APOM: variants seen among roughly 807,000 people sequenced by gnomAD.
The protein encoded by APOM is NG20-like protein.
In APOM, 24 loss-of-function variants were observed where a neutral mutation model predicts 23.5. That is an observed-to-expected ratio of 1.02 (90% CI 0.74 to 1.44). APOM has a LOEUF of 1.44. Among genes scored for constraint, APOM ranks in the 40% most tolerant of loss-of-function variants. APOM has a pLI of 0.00. For missense variants in APOM, 200 were observed against 233.2 expected, an observed-to-expected ratio of 0.86 and a Z score of 0.93; for synonymous variants, 82 against 84.1, an observed-to-expected ratio of 0.97 and a Z score of 0.14.
chr6:31,653,250 G>A (rs1583515824), upstream of APOM, among the ~76,000 whole-genome samples: 1 of 152,220 alleles, frequency 6.6e-6, no homozygotes, highest in Non-Finnish European at 1.5e-5. Flanking sequence ...AGAAAGACAA[G>A]ACCCTGACCG....
At chr6:31,652,797 C>G (rs1798835304), upstream of APOM, 1 of 152,600 alleles carries the variant, frequency 6.6e-6, no homozygotes, top group African/African-American at 2.4e-5. Flanking sequence ...CAGTCACCAG[C>G]TGGGACTCTA....
intron 5 of APOM, 166 bp from the exon 6 acceptor site, chr6:31,657,898 C>T (rs1215794482): frequency 1.8e-5 from 17 of 956,552 alleles, no homozygotes; most frequent in Non-Finnish European, 2.6e-5. Flanking sequence ...TGAGTTTGCA[C>T]TGGATAAAGG....
upstream of APOM, among the ~76,000 whole-genome samples, chr6:31,654,245 CA>C (rs34260741): frequency 0.31 from 30,692 of 98,854 alleles, 3,295 homozygotes; most frequent in East Asian, 0.39. Context: ...ACTCCCATCT[CA>C]AAAAAAAAAA....
At position 31,656,567 on chromosome 6, in the gene APOM, C is replaced by G; in HGVS notation, c.210C>G (p.Val70=). 1 of 1,614,174 alleles carries G rather than the reference C, an allele frequency of 6.2e-7. No homozygotes were observed. Among genetic ancestry groups the G allele is most frequent in the Non-Finnish European group, 8.5e-7 (1 of 1,180,040 alleles). ...LATFDPVDNI[V]FNMAAGSAPM... ...CTTTTGACCCTGTGGACAACATTGT[C>G]TTCAATATGGCTGCTGGCTCTGCCC... The change falls in exon 2 of 6, where the codon GTC becomes GTG. Residue 70 remains valine, a synonymous_variant. Coordinates refer to ENST00000375916, the MANE Select transcript of APOM (RefSeq NM_019101.3).
upstream of APOM, chr6:31,655,857 G>GA: frequency 1.5e-6 from 1 of 689,298 alleles, no homozygotes; most frequent in Non-Finnish European, 2.5e-6. Context: ...ATTAGCAGGT[G>GA]AAAGGGTCAA....
intron 5 of APOM, 153 bp from the exon 6 acceptor site, chr6:31,657,911 G>A (rs1583545165): frequency 3.1e-6 from 3 of 969,102 alleles, no homozygotes; most frequent in South Asian, 1.4e-5. Flanking sequence ...GATAAAGGGG[G>A]CAGAGGGTCA....
At chr6:31,656,928 C>T (rs1444905281) in intron 2 of APOM, among the ~76,000 whole-genome samples, 1 of 152,058 alleles carries the variant, frequency 6.6e-6, no homozygotes, top group Non-Finnish European at 1.5e-5. Flanking sequence ...GGACAGATCA[C>T]GAGGTCAGGA....
chr6:31,653,270 T>TA (rs1214319699), upstream of APOM, among the ~76,000 whole-genome samples: 2 of 152,294 alleles, frequency 1.3e-5, no homozygotes, highest in African/African-American at 2.4e-5. Flanking sequence ...GTGGGGAATT[T>TA]AAAGGCCGGC....
chr6:31,654,829 C>A (rs805297), upstream of APOM, among the ~76,000 whole-genome samples: 36,579 of 152,132 alleles, frequency 0.24, 5,590 homozygotes, highest in Middle Eastern at 0.38. Context: ...ATACTTTGGA[C>A]TTACCATGTG....
chr6:31,654,714 C>T (rs1799849353), upstream of APOM, among the ~76,000 whole-genome samples: 1 of 152,132 alleles, frequency 6.6e-6, no homozygotes, highest in Non-Finnish European at 1.5e-5. Flanking sequence ...TTGGTGCTAT[C>T]CAAGGACAAC....
At position 31,656,524 on chromosome 6, in the gene APOM, C is replaced by T. The variant is rs1453981577; in HGVS notation, c.167C>T (p.Thr56Ile). The change falls in exon 2 of 6, where the codon ACC becomes ATC. Residue 56 changes from threonine to isoleucine, a missense_variant. Physicochemically the swap from Thr to Ile is moderately conservative, Grantham distance 89. Coordinates refer to ENST00000375916, the MANE Select transcript of APOM (RefSeq NM_019101.3). ...TACTTTATCGCAGGGGCAGCTCCCA[C>T]CAAGGAGGAGTTGGCAACTTTTGAC... The part of the protein sequence containing the change: ...QWYFIAGAAP[T>I]KEELATFDPV... 1 of 1,614,158 alleles carries T rather than the reference C, an allele frequency of 6.2e-7. No individual in the cohort carries two copies. The highest frequency in any genetic ancestry group is 1.7e-5 in the Admixed American group (1 of 60,012).
At chr6:31,654,290 A>T (rs1383764038), upstream of APOM, among the ~76,000 whole-genome samples, 1 of 151,972 alleles carries the variant, frequency 6.6e-6, no homozygotes, top group African/African-American at 2.4e-5. Context: ...AAAATAGAAC[A>T]GTATTAATAA....
Position 31,655,939 on chromosome 6 carries a change from C to T in APOM, c.-28C>T, listed in dbSNP as rs1458215819. The T allele has an allele frequency of 6.7e-7, 1 of 1,492,672 alleles. No homozygotes were observed. The highest frequency in any genetic ancestry group is 9.2e-7 in the Non-Finnish European group (1 of 1,087,084). The allele number at this position is 1,492,672 out of a possible 1,614,324, so 92.5% of individuals were successfully genotyped here. ...TAGGGGAGAGAGCAGTTAAGGCACA[C>T]AGAGCACCAGCTCCCTCCTGCCTGA... On this transcript the variant is annotated 5_prime_UTR_variant, in exon 1 of 6. Transcript: ENST00000375916.
Position 31,657,235 on chromosome 6 carries a change from C to G in APOM, c.280C>G (p.Leu94Val). 2 of 1,612,892 alleles carry G rather than the reference C, an allele frequency of 1.2e-6. No homozygotes were observed. The highest frequency in any genetic ancestry group is 1.7e-6 in the Non-Finnish European group (2 of 1,179,996). The change falls in exon 3 of 6, where the codon CTC becomes GTC. Residue 94 changes from leucine (L) to valine (V), a missense_variant. Coordinates refer to ENST00000375916, the MANE Select transcript of APOM (RefSeq NM_019101.3). ...CCACCACCTCTGCAGGAAAGATGGG[C>G]TCTGTGTGCCCCGGAAATGGATCTA... ...LRATIRMKDG[L>V]CVPRKWIYHL...
chr6:31,652,531 G>A (rs1798616350), upstream of APOM: 1 of 152,304 alleles, frequency 6.6e-6, no homozygotes, highest in Admixed American at 6.5e-5. Flanking sequence ...GGCACGACGA[G>A]AAAGTCCGCA....
At chr6:31,656,110 G>C (rs1800020239) in intron 1 of APOM, 30 bp downstream of exon 1, 2 of 1,527,224 alleles carry the variant, frequency 1.3e-6, no homozygotes, top group African/African-American at 1.4e-5. Context: ...GAAGCCTATG[G>C]TGGAGGCTCT....
In APOM at chr6:31,656,029, C is replaced by A; in HGVS notation, c.63C>A (p.Tyr21Ter). Residue 21 changes from tyrosine (Y) to a stop codon, truncating the protein, a stop_gained, in exon 1 of 6, where the codon TAC (tyrosine) becomes TAA (stop). Transcript: ENST00000375916. LOFTEE classifies it high-confidence loss of function. Reference protein sequence around the residue: ...YFYGIILNSIYQCPEHSQLTT... With the variant: ...YFYGIILNSI ...ATGGTATTATCCTTAACTCCATCTA[C>A]CAGTGCCCTGAGCACAGTCAACTGA... 1 of 1,594,144 alleles carries A rather than the reference C, an allele frequency of 6.3e-7. No individual in the cohort carries two copies. The highest frequency in any genetic ancestry group is 8.5e-7 in the Non-Finnish European group (1 of 1,170,048).
At chr6:31,656,273 G>T (rs563802581) in intron 1 of APOM, among the ~76,000 whole-genome samples, 193 bp downstream of exon 1, 94 of 151,880 alleles carry the variant, frequency 6.2e-4, no homozygotes, top group Middle Eastern at 3.4e-3. Context: ...GGGGGGTGGG[G>T]TGGTTACCCA....
chr6:31,656,444 TCTTTTG>T, intron 1 of APOM, 22 bp from the exon 2 acceptor site: 1 of 1,609,504 alleles, frequency 6.2e-7, no homozygotes, highest in South Asian at 1.1e-5. Context: ...GAACCCACCC[TCTTTTG>T]CTCCCTTCAT....
Sources: allele counts gnomAD v4.1 joint callset (sites outside exome capture counted in the v4.1 genomes callset), GRCh38; gene constraint gnomAD v4.1.1; transcripts MANE v1.5; gene names NCBI Gene and HGNC (gene_info 2026-07-23, HGNC 2026-07-21).